The following SORCS1 variants were observed in gnomAD, a reference collection of about 807,000 sequenced individuals.
The protein encoded by SORCS1 is sortilin related VPS10 domain containing receptor 1.
SORCS1 carries 60 observed loss-of-function variants against 146.1 expected under a neutral mutation model. The ratio of observed to expected loss-of-function variants is 0.41; its 90% confidence interval spans 0.33 to 0.51. The LOEUF is 0.51. SORCS1 is among the 20% of genes least tolerant of loss of function. The pLI is 0.21. For synonymous variants in SORCS1, 637 were observed against 584.0 expected, an observed-to-expected ratio of 1.09 and a Z score of -1.31; for missense variants, 1,352 against 1,487.6, an observed-to-expected ratio of 0.91 and a Z score of 1.50.
intron 1 of SORCS1, among the ~76,000 whole-genome samples, chr10:107,127,610 T>A (rs539105776): frequency 2.2e-4 from 34 of 152,322 alleles, no homozygotes; most frequent in Non-Finnish European, 4.0e-4. Context: ...TCTAGTCAAG[T>A]CCTCTGTGAA....
chr10:106,734,862 A>G (rs988147141), intron 5 of SORCS1, among the ~76,000 whole-genome samples: 40 of 152,196 alleles, frequency 2.6e-4, no homozygotes, highest in African/African-American at 9.4e-4. Flanking sequence ...AGAAATTAAA[A>G]TGTATGCTGG....
intron 3 of SORCS1, among the ~76,000 whole-genome samples, chr10:106,815,152 T>A (rs1947673594): frequency 6.6e-6 from 1 of 151,666 alleles, no homozygotes; most frequent in Non-Finnish European, 1.5e-5. Flanking sequence ...AAAGATGGGG[T>A]TTCTCCATGT....
Position 106,938,466 on chromosome 10 carries a change from A to C in SORCS1, c.626+18047T>G, listed in dbSNP as rs79048514. Among the ~76,000 whole-genome samples the C allele has an allele frequency of 5.8e-3, 879 of 152,340 alleles. 12 individuals are homozygous for C. Among genetic ancestry groups the C allele is most frequent in the African/African-American group, 0.02 (849 of 41,580 alleles). On this transcript the variant is annotated intron_variant, in intron 2 of 25. Transcript: ENST00000263054. ...GTGGCAAATTGATGGACCTCAGGCC[A>C]CCACGCTAGCTAGTATAGCTAAGCT...
At chr10:106,941,813 C>A (rs1435908710) in intron 2 of SORCS1, among the ~76,000 whole-genome samples, 1 of 152,234 alleles carries the variant, frequency 6.6e-6, no homozygotes, top group Non-Finnish European at 1.5e-5. Flanking sequence ...AGCCTAATAT[C>A]TGAGCGACTC....
At chr10:107,038,733 T>TA (rs1959029491) in intron 1 of SORCS1, among the ~76,000 whole-genome samples, 1 of 151,552 alleles carries the variant, frequency 6.6e-6, no homozygotes, top group African/African-American at 2.4e-5. Flanking sequence ...CTAAATGAGA[T>TA]AATGCACATT....
intron 1 of SORCS1, among the ~76,000 whole-genome samples, chr10:107,098,962 T>C (rs1964731238): frequency 6.6e-6 from 1 of 152,198 alleles, no homozygotes; most frequent in African/African-American, 2.4e-5. Context: ...CAATAACTCT[T>C]CATGAACAAC....
At chr10:106,865,370 C>A (rs1429210850) in intron 2 of SORCS1, among the ~76,000 whole-genome samples, 1 of 152,156 alleles carries the variant, frequency 6.6e-6, no homozygotes, top group East Asian at 1.9e-4. Flanking sequence ...ACTGGAAAAC[C>A]CAAGTTGACT....
rs1207222377 is a variant in SORCS1 at position 106,671,384 on chromosome 10, A to G, written c.2059-17T>C. ...TGCTTCCCCCTGTAAGCAGAGAAGGATCACAGATACTTGGGCACATAGCTT... is the reference window on the plus strand; with the variant it reads ...TGCTTCCCCCTGTAAGCAGAGAAGGGTCACAGATACTTGGGCACATAGCTT... On this transcript the variant is annotated splice_polypyrimidine_tract_variant and intron_variant, in intron 15 of 25. Transcript: ENST00000263054. 1.1e-5 allele frequency: 18 copies of G among 1,613,740 alleles called. 1 individual carries two copies. The highest frequency in any genetic ancestry group is 1.1e-5 in the South Asian group (1 of 91,050).
At chr10:107,057,276 G>A (rs1249639864) in intron 1 of SORCS1, among the ~76,000 whole-genome samples, 1 of 151,954 alleles carries the variant, frequency 6.6e-6, no homozygotes, top group Non-Finnish European at 1.5e-5. Context: ...ACTTACAAGG[G>A]GCCATCATTA....
intron 1 of SORCS1, among the ~76,000 whole-genome samples, chr10:107,034,844 T>C (rs1958826960): frequency 6.6e-6 from 1 of 151,970 alleles, no homozygotes; most frequent in African/African-American, 2.4e-5. Context: ...TTTTACAATT[T>C]TTCCCCATAA....
At chr10:106,658,314 TAA>T (rs35145082) in intron 17 of SORCS1, among the ~76,000 whole-genome samples, 1 of 145,048 alleles carries the variant, frequency 6.9e-6, no homozygotes, top group South Asian at 2.2e-4. Flanking sequence ...TACTCATCCT[TAA>T]AAAAAAAAAA....
Position 106,785,269 on chromosome 10 carries a change from A to G in SORCS1, c.727-8577T>C, listed in dbSNP as rs180766470. ...ATTACAGAAGAGACTAGAAGTTGACATTACAACCAGACTCGCTATCACCTG... is the reference window on the plus strand; with the variant it reads ...ATTACAGAAGAGACTAGAAGTTGACGTTACAACCAGACTCGCTATCACCTG... On this transcript the variant is annotated intron_variant, in intron 3 of 25. Transcript: ENST00000263054. Among the ~76,000 whole-genome samples the G allele has an allele frequency of 7.4e-4, 113 of 152,326 alleles. 1 individual carries two copies. Among genetic ancestry groups the G allele is most frequent in the Non-Finnish European group, 1.8e-4 (12 of 68,024 alleles).
intron 5 of SORCS1, among the ~76,000 whole-genome samples, chr10:106,743,558 G>A (rs948732470): frequency 2.0e-5 from 3 of 152,058 alleles, no homozygotes; most frequent in Admixed American, 6.6e-5. Context: ...CTGAGTAGCT[G>A]GAACTACAGG....
At chr10:107,023,410 T>A (rs919918804) in intron 1 of SORCS1, among the ~76,000 whole-genome samples, 6 of 152,214 alleles carry the variant, frequency 3.9e-5, no homozygotes, top group Admixed American at 2.6e-4. Context: ...GTTGTATTCA[T>A]TTTAGCACTG....
At chr10:107,159,068 T>C (rs1160974353) in intron 1 of SORCS1, among the ~76,000 whole-genome samples, 2 of 152,126 alleles carry the variant, frequency 1.3e-5, no homozygotes, top group Non-Finnish European at 2.9e-5. Context: ...TGTAATACAA[T>C]AAACCCAATA....
At chr10:106,886,775 T>A (rs74152255) in intron 2 of SORCS1, among the ~76,000 whole-genome samples, 1,541 of 152,264 alleles carry the variant, frequency 0.01, 37 homozygotes, top group African/African-American at 0.036. Flanking sequence ...TCAGACAGAT[T>A]TAAGTGGAAG....
intron 24 of SORCS1, among the ~76,000 whole-genome samples, chr10:106,586,774 A>C (rs1432778887): frequency 6.6e-6 from 1 of 152,168 alleles, no homozygotes; most frequent in African/African-American, 2.4e-5. Context: ...TGGGCAACAT[A>C]GCAACACCCT....
Position 106,579,376 on chromosome 10 carries a change from A to G in SORCS1, c.3364T>C (p.Phe1122Leu), listed in dbSNP as rs763032020. Residue 1122 changes from phenylalanine to leucine, a missense_variant, in exon 25 of 26, where the codon TTT (phenylalanine) becomes CTT (leucine). Around this residue, in one of 3 missense-constraint regions of SORCS1, gnomAD observed 214 missense variants for 204.8 expected, o/e 1.05. Coordinates refer to ENST00000263054, the MANE Select transcript of SORCS1 (RefSeq NM_052918.5). Reference protein sequence around the residue: ...VGLAVFVIYKFKRRVALPSPP... With the variant: ...VGLAVFVIYKLKRRVALPSPP... The stretch of plus-strand genomic sequence containing the variant: ...GGATAGAGGGACACGCACCTTTTAA[A>G]CTTGTAGATGACGAACACTGCCAGC... The G allele has an allele frequency of 2.4e-5, 38 of 1,613,850 alleles. No homozygotes were observed. In the African/African-American group the frequency reaches 4.3e-4, roughly 18 times the overall value.
chr10:107,030,444 C>T (rs1414723108), intron 1 of SORCS1, among the ~76,000 whole-genome samples: 1 of 152,164 alleles, frequency 6.6e-6, no homozygotes, highest in East Asian at 1.9e-4. Flanking sequence ...TACGCTTTTG[C>T]CTGTGTCCCA....
Sources: gnomAD v4.1 joint callset for allele counts (sites outside exome capture counted in the v4.1 genomes callset) on GRCh38, gnomAD v4.1.1 for gene constraint, gnomAD v4.1.1 regional missense constraint, MANE v1.5 for transcripts, NCBI Gene and HGNC (gene_info 2026-07-23, HGNC 2026-07-21) for gene names.